Variants in THADA observed in about 807,000 individuals in gnomAD.
THADA encodes the protein tRNA (32-2'-O)-methyltransferase regulator THADA.
THADA carries 213 observed loss-of-function variants against 219.8 expected under a neutral mutation model. The observed-to-expected ratio is 0.97, with a 90% CI of 0.87 to 1.09. The LOEUF is 1.09. Among genes scored for constraint, THADA ranks in the 50% least tolerant of loss-of-function variants. The pLI is 0.00. For missense variants in THADA, 2,956 were observed against 2,311.3 expected (o/e 1.28, Z -5.72); for synonymous variants, 1,018 against 828.9 (o/e 1.23, Z -3.92).
intron 26 of THADA, among the ~76,000 whole-genome samples, chr2:43,456,663 T>C (rs1317248095): frequency 1.3e-5 from 2 of 152,122 alleles, no homozygotes; most frequent in Non-Finnish European, 2.9e-5. Flanking sequence ...AATGAGATAA[T>C]GCATCAACAA....
rs754273507 is a variant in THADA, at chr2:43,586,386, A to T, written c.533+15T>A. 13 of 1,568,526 alleles carry T rather than the reference A, an allele frequency of 8.3e-6. No individual in the cohort carries two copies. In the East Asian group the frequency reaches 2.7e-4, roughly 33 times the overall value. ...TGCAAGTGTGCACACACAAATGCCA[A>T]CATATAGCACTTGCCTATTTTCTTC... On this transcript the variant is annotated intron_variant, in intron 7 of 37. Transcript: ENST00000405975.
intron 31 of THADA, among the ~76,000 whole-genome samples, chr2:43,312,282 G>T (rs1247466144): frequency 6.6e-6 from 1 of 151,990 alleles, no homozygotes; most frequent in African/African-American, 2.4e-5. Context: ...TCACTCCTGG[G>T]ATGAAAATGT....
At chr2:43,235,481 C>T (rs1034859341) in intron 36 of THADA, among the ~76,000 whole-genome samples, 13 of 151,304 alleles carry the variant, frequency 8.6e-5, no homozygotes, top group Middle Eastern at 3.2e-3. Context: ...TTAGTAGAGA[C>T]GGGGTTTCTC....
intron 31 of THADA, among the ~76,000 whole-genome samples, chr2:43,302,054 A>T (rs78382851): frequency 6.6e-6 from 1 of 151,854 alleles, no homozygotes; most frequent in African/African-American, 2.4e-5. Flanking sequence ...TTTTTTTACA[A>T]AGGAAAAGAG....
intron 29 of THADA, 140 bp downstream of exon 29, chr2:43,397,830 TC>T: frequency 1.4e-6 from 1 of 736,972 alleles, no homozygotes; most frequent in Non-Finnish European, 2.2e-6. Flanking sequence ...AGATACCTGA[TC>T]TTTCGGAAGT....
At chr2:43,251,876 C>G (rs1669837453) in intron 36 of THADA, among the ~76,000 whole-genome samples, 1 of 152,212 alleles carries the variant, frequency 6.6e-6, no homozygotes, top group Admixed American at 6.5e-5. Context: ...CAATTAAAAT[C>G]TGTCATATTG....
At chr2:43,410,784 A>G (rs994242572) in intron 28 of THADA, among the ~76,000 whole-genome samples, 3 of 152,216 alleles carry the variant, frequency 2.0e-5, no homozygotes, top group African/African-American at 7.2e-5. Flanking sequence ...GTTCCTTACC[A>G]TGACAGTGAT....
At chr2:43,476,087 A>G (rs1428063677) in intron 26 of THADA, among the ~76,000 whole-genome samples, 2 of 152,110 alleles carry the variant, frequency 1.3e-5, no homozygotes, top group African/African-American at 4.8e-5. Flanking sequence ...CCCAGACCCA[A>G]CTGATGAATC....
chr2:43,578,533 AC>A lies in THADA; in HGVS notation c.795del (p.Ser266LeufsTer7). On this transcript the variant is annotated frameshift_variant, in exon 9 of 38. Transcript: ENST00000405975. LOFTEE classifies it high-confidence loss of function. ...CTTACCAAATGAGGAATCTTTTCAG[AC>A]GGGTGAAACATAGTCTTAATAAAAA... ...IILFIKTMFHPSEKIPHLISS... is the reference protein window; with the variant it reads ...IILFIKTMFHXSEKIPHLISS... The A allele has an allele frequency of 5.6e-6, 9 of 1,611,838 alleles. No homozygotes were observed. The highest frequency in any genetic ancestry group is 7.6e-6 in the Non-Finnish European group (9 of 1,178,112).
At chr2:43,255,007 C>T (rs1238444571) in intron 36 of THADA, among the ~76,000 whole-genome samples, 1 of 152,138 alleles carries the variant, frequency 6.6e-6, no homozygotes, top group East Asian at 1.9e-4. Context: ...TCAAAACCAA[C>T]CAAAGCAGCT....
chr2:43,454,282 C>G (rs1401790015), intron 26 of THADA, among the ~76,000 whole-genome samples: 1 of 152,124 alleles, frequency 6.6e-6, no homozygotes, highest in Non-Finnish European at 1.5e-5. Context: ...TTTGTCCATT[C>G]TAGACCTTTT....
At chr2:43,359,179 A>G (rs1169828054) in intron 29 of THADA, among the ~76,000 whole-genome samples, 2 of 152,254 alleles carry the variant, frequency 1.3e-5, no homozygotes, top group African/African-American at 4.8e-5. Flanking sequence ...GCCCTTATTG[A>G]TAACTATGCC....
chr2:43,297,988 G>A (rs1346165070), intron 31 of THADA, among the ~76,000 whole-genome samples: 11 of 624 alleles, frequency 0.018, 3 homozygotes, highest in African/African-American at 0.04. Context: ...CGCCCCGTCC[G>A]GGAGGGAGTG....
chr2:43,467,338 G>A (rs1042045201), intron 26 of THADA, among the ~76,000 whole-genome samples: 1 of 152,116 alleles, frequency 6.6e-6, no homozygotes, highest in African/African-American at 2.4e-5. Context: ...ATGAAATGAT[G>A]TAGCAAATAA....
chr2:43,590,940 C>A lies in THADA; in HGVS notation c.186G>T (p.Leu62=). 1.2e-6 allele frequency: 2 copies of A among 1,612,502 alleles called. No individual in the cohort carries two copies. Among genetic ancestry groups the A allele is most frequent in the East Asian group, 4.5e-5 (2 of 44,844 alleles). ...IHYIKQIVPL[L]EKADKNGMCD... is the part of the protein sequence containing the mutation. ...ACATGCCATTTTTATCTGCTTTCTC[C>A]AGCAGAGGCACAATCTATAATACAA... The change falls in exon 4 of 38, where the codon CTG becomes CTT. Residue 62 remains leucine (L), a synonymous_variant. Transcript: ENST00000405975.
rs148796219 is a variant in THADA, at chr2:43,556,575, C to G, written c.2464-20G>C. On this transcript the variant is annotated intron_variant, in intron 16 of 37. Coordinates refer to ENST00000405975, the MANE Select transcript of THADA (RefSeq NM_022065.5). ...CGAATCCTAGAATAAAGCGCAGACTCAGTAACTGTCAAATTAAAGATCTCT... is the reference window on the plus strand; with the variant it reads ...CGAATCCTAGAATAAAGCGCAGACTGAGTAACTGTCAAATTAAAGATCTCT... The G allele has an allele frequency of 6.9e-4, 1,097 of 1,591,008 alleles. 7 individuals are homozygous for G. The African/African-American group carries it at 0.013, about 20-fold the overall frequency.
chr2:43,592,027 C>G lies in THADA; in HGVS notation c.96G>C (p.Gly32=). The G allele has an allele frequency of 6.4e-7, 1 of 1,560,554 alleles. No individual in the cohort carries two copies. Among genetic ancestry groups the G allele is most frequent in the Non-Finnish European group, 8.7e-7 (1 of 1,151,178 alleles). ...GTAACAGCAAAGAAGCTAGATTTTTCCCTTCCACATCAGCAAAAGCTATAT... is the reference window on the plus strand; with the variant it reads ...GTAACAGCAAAGAAGCTAGATTTTTGCCTTCCACATCAGCAAAAGCTATAT... ...ETLKSFADVE[G]KNLASLLLHC... The change falls in exon 3 of 38, where the codon GGG becomes GGC. Residue 32 remains glycine, a synonymous_variant. Transcript: ENST00000405975.
intron 26 of THADA, among the ~76,000 whole-genome samples, chr2:43,465,297 T>C (rs952558969): frequency 6.6e-6 from 1 of 152,340 alleles, no homozygotes; most frequent in South Asian, 2.1e-4. Context: ...TCCAGTGGAA[T>C]ACTTCCCTTT....
At chr2:43,507,684 A>G (rs887902248) in intron 23 of THADA, among the ~76,000 whole-genome samples, 22 of 152,072 alleles carry the variant, frequency 1.4e-4, no homozygotes, top group African/African-American at 4.8e-4. Flanking sequence ...AAAATCAGAG[A>G]CTTCATTCCA....
Sources: allele counts gnomAD v4.1 joint callset (sites outside exome capture counted in the v4.1 genomes callset), GRCh38; gene constraint gnomAD v4.1.1; transcripts MANE v1.5; gene names NCBI Gene and HGNC (gene_info 2026-07-23, HGNC 2026-07-21).